PCDHGB4: variants seen among roughly 807,000 people sequenced by gnomAD.
The protein encoded by PCDHGB4 is protocadherin gamma subfamily B, 4.
PCDHGB4 carries 38 observed loss-of-function variants against 60.5 expected under a neutral mutation model. That is an observed-to-expected ratio of 0.63 (90% confidence interval 0.48 to 0.82). PCDHGB4 has a LOEUF of 0.82. PCDHGB4 is among the 40% of genes least tolerant of loss of function. The probability of loss-of-function intolerance (pLI) is 0.00; values close to 1 mark genes in which losing one functional copy is unlikely to be tolerated. For synonymous variants in PCDHGB4, 456 were observed against 509.7 expected, an observed-to-expected ratio of 0.89 and a Z score of 1.42; for missense variants, 1,109 against 1,209.6, an observed-to-expected ratio of 0.92 and a Z score of 1.23.
chr5:141,472,770 G>C (rs953423129), intron 1 of PCDHGB4, among the ~76,000 whole-genome samples: 5 of 152,046 alleles, frequency 3.3e-5, no homozygotes, highest in Admixed American at 6.6e-5. Flanking sequence ...CAGATCACCT[G>C]AGGTTGGGAG....
chr5:141,430,855 C>T, intron 1 of PCDHGB4: 7 of 1,588,596 alleles, frequency 4.4e-6, no homozygotes, highest in Non-Finnish European at 6.0e-6. Context: ...CCCAGATACG[C>T]TATTCAGTTC....
Position 141,387,776 on chromosome 5 carries a change from A to G in PCDHGB4, c.-109A>G. 6.9e-7 allele frequency: 1 copy of G among 1,452,928 alleles called. No homozygotes were observed. The highest frequency in any genetic ancestry group is 9.2e-7 in the Non-Finnish European group (1 of 1,092,074). The allele number at this position is 1,452,928 out of a possible 1,614,324, so 90.0% of individuals were successfully genotyped here. On this transcript the variant is annotated 5_prime_UTR_variant, in exon 1 of 4. Coordinates refer to ENST00000519479, the MANE Select transcript of PCDHGB4 (RefSeq NM_003736.4). ...CGGAAAAAGAAGAATTTTTTCTTGA[A>G]CTGGAACTGCAACTAAAGTCCGTTC... is the stretch of plus-strand genomic sequence containing the variant.
In PCDHGB4 at chr5:141,491,958, A is replaced by C; in HGVS notation, c.2398-2849A>C. The C allele has an allele frequency of 2.0e-6, 2 of 999,758 alleles. No homozygotes were observed. Among genetic ancestry groups the C allele is most frequent in the Non-Finnish European group, 2.8e-6 (2 of 718,534 alleles). The allele number at this position is 999,758 out of a possible 1,614,324, so 61.9% of individuals were successfully genotyped here. The stretch of plus-strand genomic sequence containing the variant: ...ACCGACCCCCACCCCTACACTCAAA[A>C]AAGGCCGGGGCCTCCTTCGAGCTTC... On this transcript the variant is annotated intron_variant, in intron 1 of 3. Coordinates refer to ENST00000519479, the MANE Select transcript of PCDHGB4 (RefSeq NM_003736.4). The surrounding 1 kb of genome is among the most constrained non-coding windows in gnomAD (Gnocchi z 6.9).
chr5:141,481,736 G>A (rs569415213), intron 1 of PCDHGB4, among the ~76,000 whole-genome samples: 23 of 151,934 alleles, frequency 1.5e-4, no homozygotes, highest in African/African-American at 4.3e-4. Flanking sequence ...GGCGGATCAC[G>A]AGGTCAGGAG....
intron 1 of PCDHGB4, chr5:141,415,563 T>G: frequency 1.2e-6 from 2 of 1,614,168 alleles, no homozygotes; most frequent in Non-Finnish European, 1.7e-6. Flanking sequence ...ATCCTTTGTC[T>G]TTGTTAGATG....
Position 141,486,335 on chromosome 5 carries a change from C to T in PCDHGB4, c.2398-8472C>T, listed in dbSNP as rs762408704. ...AGGGTCAAACGGAGATGTGAGCCTC[C>T]GCATTCCTGACCACTTGCCATTTGC... On this transcript the variant is annotated intron_variant, in intron 1 of 3. Transcript: ENST00000519479. The surrounding 1 kb of genome is among the most constrained non-coding windows in gnomAD (Gnocchi z 5.0). 6.2e-6 allele frequency: 10 copies of T among 1,613,936 alleles called. No individual in the cohort carries two copies. Among genetic ancestry groups the T allele is most frequent in the Middle Eastern group, 1.6e-4 (1 of 6,082 alleles).
rs576464275 is a variant in PCDHGB4, at chr5:141,448,784, CA to C, written c.2398-46012del. ...TGAAACCCCGTCTGTACTAAAAATA[CA>C]AAAAAAAAAATTAGCCAGGCGTGAT... On this transcript the variant is annotated intron_variant, in intron 1 of 3. Coordinates refer to ENST00000519479, the MANE Select transcript of PCDHGB4 (RefSeq NM_003736.4). Among the ~76,000 whole-genome samples, 323 of 145,522 alleles carry C rather than the reference CA, an allele frequency of 2.2e-3. 2 individuals are homozygous for C. The highest frequency in any genetic ancestry group is 5.9e-3 in the African/African-American group (238 of 40,012).
At position 141,489,733 on chromosome 5, in the gene PCDHGB4, A is replaced by C; in HGVS notation, c.2398-5074A>C. ...TGCCCAGGATCCGGATGTGGGCACC[A>C]ATACTGTGAGCTTTTACACTCTAAG... On this transcript the variant is annotated intron_variant, in intron 1 of 3. Coordinates refer to ENST00000519479, the MANE Select transcript of PCDHGB4 (RefSeq NM_003736.4). This position sits in a 1 kb window ranked among gnomAD's most constrained non-coding sequence, Gnocchi z 4.5. 1 of 1,614,168 alleles carries C rather than the reference A, an allele frequency of 6.2e-7. No individual in the cohort carries two copies. The highest frequency in any genetic ancestry group is 1.1e-5 in the South Asian group (1 of 91,078).
chr5:141,432,539 G>A lies in PCDHGB4; in HGVS notation c.2397+42258G>A. 2.5e-6 allele frequency: 4 copies of A among 1,614,038 alleles called. No individual in the cohort carries two copies. Among genetic ancestry groups the A allele is most frequent in the Non-Finnish European group, 3.4e-6 (4 of 1,180,022 alleles). ...CTACCTGGTGACCAAGGTGGTGGCG[G>A]TGGACAGAGACTCCGGCCAGAACGC... On this transcript the variant is annotated intron_variant, in intron 1 of 3. Transcript: ENST00000519479. The surrounding 1 kb of genome is among the most constrained non-coding windows in gnomAD (Gnocchi z 6.0).
At chr5:141,428,362 G>T (rs868168419) in intron 1 of PCDHGB4, 2 of 556,756 alleles carry the variant, frequency 3.6e-6, no homozygotes, top group Non-Finnish European at 6.6e-6. Context: ...TTTGGCGGTC[G>T]CCTTGCACCT....
chr5:141,433,587 G>A (rs1228017153), intron 1 of PCDHGB4, among the ~76,000 whole-genome samples: 1 of 152,068 alleles, frequency 6.6e-6, no homozygotes, highest in African/African-American at 2.4e-5. Flanking sequence ...TGTAATCCCA[G>A]TACTTTGGGA....
In PCDHGB4 at chr5:141,430,969, TAGGACGCA is replaced by T. The variant is rs775497521; in HGVS notation, c.2397+40689_2397+40696del. The T allele has an allele frequency of 7.3e-5, 118 of 1,613,012 alleles. 1 individual carries two copies. The Middle Eastern group carries it at 1.8e-3, about 25-fold the overall frequency. On this transcript the variant is annotated intron_variant, in intron 1 of 3. Transcript: ENST00000519479. ...GCGGAGTCCGCATCATCCCCAGAGG[TAGGACGCA>T]GCTTTTCGCCCTGAATCCGCGCAGC...
intron 1 of PCDHGB4, chr5:141,419,577 C>T: frequency 3.7e-6 from 6 of 1,611,732 alleles, no homozygotes; most frequent in Non-Finnish European, 5.1e-6. Flanking sequence ...GACGGCTCCG[C>T]GCTCTTCGAC....
chr5:141,480,599 C>A (rs1202373543), intron 1 of PCDHGB4, among the ~76,000 whole-genome samples: 1 of 141,438 alleles, frequency 7.1e-6, no homozygotes, highest in East Asian at 1.9e-4. Flanking sequence ...TCTGGTCAGC[C>A]TGGAAAGCAA....
intron 1 of PCDHGB4, among the ~76,000 whole-genome samples, chr5:141,459,348 C>G (rs1015330513): frequency 2.6e-5 from 4 of 152,194 alleles, no homozygotes; most frequent in Admixed American, 2.0e-4. Context: ...TCTTGAAATT[C>G]ATTCATGTTC....
chr5:141,409,599 C>T (rs753753955), intron 1 of PCDHGB4: 22 of 1,613,822 alleles, frequency 1.4e-5, no homozygotes, highest in Non-Finnish European at 1.8e-5. Flanking sequence ...GAGAACAACC[C>T]GCCAGGAGCC....
Position 141,438,239 on chromosome 5 carries a change from A to C in PCDHGB4, c.2397+47958A>C, listed in dbSNP as rs550172792. Among the ~76,000 whole-genome samples, 9 of 152,298 alleles carry C rather than the reference A, an allele frequency of 5.9e-5. No homozygotes were observed. In the East Asian group the frequency reaches 1.7e-3, roughly 29 times the overall value. On this transcript the variant is annotated intron_variant, in intron 1 of 3. Transcript: ENST00000519479. ...GCTCTGGTTCAGGAAAATGTTTTTA[A>C]AAAACTGTCATTGAAGAGACCATAG...
At chr5:141,507,239 G>C (rs2099859378) in intron 3 of PCDHGB4, 1 of 152,310 alleles carries the variant, frequency 6.6e-6, no homozygotes, top group Non-Finnish European at 1.5e-5. Context: ...CCCAGTTACA[G>C]TTGAATGTCA....
Position 141,424,165 on chromosome 5 carries a change from A to G in PCDHGB4, c.2397+33884A>G, listed in dbSNP as rs1328883463. 2.8e-5 allele frequency: 7 copies of G among 251,918 alleles called. No individual in the cohort carries two copies. The South Asian group carries it at 4.6e-4, about 17-fold the overall frequency. The allele number at this position is 251,918 out of a possible 1,614,324, so 15.6% of individuals were successfully genotyped here. On this transcript the variant is annotated intron_variant, in intron 1 of 3. Transcript: ENST00000519479. Reference sequence around the variant, plus strand: ...CTCCCTCTAGCTCTCCTTCTCATCTATCTATCTATACACATGCACACACAC... The same window carrying G: ...CTCCCTCTAGCTCTCCTTCTCATCTGTCTATCTATACACATGCACACACAC...
Sources: gnomAD v4.1 joint callset for allele counts (sites outside exome capture counted in the v4.1 genomes callset) on GRCh38, gnomAD v4.1.1 for gene constraint, Gnocchi (gnomAD v3.1) non-coding constraint, MANE v1.5 for transcripts, NCBI Gene and HGNC (gene_info 2026-07-23, HGNC 2026-07-21) for gene names.